The following ZNF148 variants were observed in gnomAD, a reference collection of about 807,000 sequenced individuals.
ZNF148 encodes the protein Beta-Enolase Repressor Factor-1.
Under a neutral mutation model 67.7 loss-of-function variants are expected in ZNF148, and 7 were observed. The observed-to-expected ratio is 0.10, with a 90% CI of 0.06 to 0.19. The LOEUF (loss-of-function observed/expected upper bound fraction) is 0.19, where lower values mean the gene tolerates loss of function less well. ZNF148 is among the 10% of genes least tolerant of loss of function. The pLI, the probability that ZNF148 is intolerant of heterozygous loss-of-function variation, is 1.00. For missense variants in ZNF148, 583 were observed against 947.1 expected, an observed-to-expected ratio of 0.62 and a Z score of 5.05; for synonymous variants, 333 against 330.7, an observed-to-expected ratio of 1.01 and a Z score of -0.08.
rs1935610524 is a variant in ZNF148 at position 125,225,816 on chromosome 3, T to C, written c.*6525A>G. 6.6e-6 allele frequency: 1 copy of C among 152,172 alleles called. No homozygotes were observed. The highest frequency in any genetic ancestry group is 2.4e-5 in the African/African-American group (1 of 41,446). 9.4% of individuals were successfully genotyped at this position (152,172 alleles called of 1,614,324 possible). A position where few individuals can be genotyped will look rare whatever the true frequency, so the allele number is the denominator to read the frequency against. ...AGGAAATGCATTAGTAGACTATCAG[T>C]GGTATTATTATGTACAATTGGTTAA... On this transcript the variant is annotated 3_prime_UTR_variant, in exon 9 of 9. Coordinates refer to ENST00000360647, the MANE Select transcript of ZNF148 (RefSeq NM_021964.3).
At chr3:125,368,604 C>T (rs545284364) in intron 1 of ZNF148, among the ~76,000 whole-genome samples, 2 of 152,334 alleles carry the variant, frequency 1.3e-5, no homozygotes, top group East Asian at 3.9e-4. Flanking sequence ...AAAGATCTGT[C>T]ATCAATAAGA....
intron 1 of ZNF148, chr3:125,344,388 G>T: frequency 1.6e-6 from 1 of 642,472 alleles, no homozygotes; most frequent in South Asian, 1.6e-5. Context: ...TGGAAAAAAT[G>T]ACTCTGTCCC....
At chr3:125,332,679 A>G (rs1387723136) in intron 1 of ZNF148, among the ~76,000 whole-genome samples, 1 of 152,156 alleles carries the variant, frequency 6.6e-6, no homozygotes, top group Non-Finnish European at 1.5e-5. Flanking sequence ...CAATCAAGCT[A>G]TTTCTGCTTG....
At position 125,331,849 on chromosome 3, in the gene ZNF148, T is replaced by C. The variant is rs184107494; in HGVS notation, c.-233-611A>G. Among the ~76,000 whole-genome samples the C allele has an allele frequency of 4.7e-4, 72 of 152,330 alleles. 2 individuals carry two copies. Among genetic ancestry groups the C allele is most frequent in the African/African-American group, 1.5e-3 (64 of 41,586 alleles). On this transcript the variant is annotated intron_variant, in intron 1 of 8. Transcript: ENST00000360647. The stretch of plus-strand genomic sequence containing the variant: ...ACATTCCACATTGGTACTGCATTGA[T>C]GCCGACCACAGATCACTTTATTCAT...
chr3:125,254,017 G>A (rs1936962681), intron 7 of ZNF148, among the ~76,000 whole-genome samples: 1 of 152,028 alleles, frequency 6.6e-6, no homozygotes, highest in African/African-American at 2.4e-5. Flanking sequence ...AAGAATTCCA[G>A]GGAAGCCACC....
intron 4 of ZNF148, among the ~76,000 whole-genome samples, chr3:125,306,967 C>T (rs1454526110): frequency 1.3e-5 from 2 of 151,006 alleles, no homozygotes; most frequent in Non-Finnish European, 3.0e-5. Flanking sequence ...ATCAATCTTA[C>T]ACAAACTCTT....
chr3:125,344,905 G>A (rs1941880629), intron 1 of ZNF148: 1 of 173,372 alleles, frequency 5.8e-6, no homozygotes, highest in African/African-American at 2.4e-5. Flanking sequence ...TCTCCTCTCA[G>A]CTAGCCTGAG....
chr3:125,309,024 G>C (rs1940051823), intron 4 of ZNF148, among the ~76,000 whole-genome samples: 1 of 152,086 alleles, frequency 6.6e-6, no homozygotes, highest in Non-Finnish European at 1.5e-5. Flanking sequence ...ATTTACATGA[G>C]GTTCTCATCA....
chr3:125,252,562 G>A (rs558758088), intron 7 of ZNF148, among the ~76,000 whole-genome samples: 13 of 152,200 alleles, frequency 8.5e-5, no homozygotes, highest in Admixed American at 2.0e-4. Flanking sequence ...GAGGTCAGGA[G>A]ATCGAGACCC....
chr3:125,374,756 C>G (rs1406375083), intron 1 of ZNF148, among the ~76,000 whole-genome samples: 1 of 152,130 alleles, frequency 6.6e-6, no homozygotes, highest in African/African-American at 2.4e-5. Context: ...CTAGCCTTTT[C>G]ACACCCACAC....
intron 1 of ZNF148, among the ~76,000 whole-genome samples, chr3:125,349,997 T>C (rs563570355): frequency 6.6e-6 from 1 of 152,284 alleles, no homozygotes; most frequent in African/African-American, 2.4e-5. Context: ...TTGGCAAGGA[T>C]GGAGAAATTG....
chr3:125,360,798 G>A (rs1942511247), intron 1 of ZNF148, among the ~76,000 whole-genome samples: 1 of 149,454 alleles, frequency 6.7e-6, no homozygotes, highest in African/African-American at 2.5e-5. Flanking sequence ...GGGCAACATA[G>A]GAAGACCACA....
rs1390271363 is a variant in ZNF148 at position 125,230,491 on chromosome 3, C to A, written c.*1850G>T. 1 of 152,388 alleles carries A rather than the reference C, an allele frequency of 6.6e-6. No homozygotes were observed. Among genetic ancestry groups the A allele is most frequent in the Non-Finnish European group, 1.5e-5 (1 of 67,968 alleles). The allele number at this position is 152,388 out of a possible 1,614,324, so 9.4% of individuals were successfully genotyped here. ...ACTATTTCAAGCAAAACTTAATAAC[C>A]AAAGTATACAGGAAACCACATTAAA... On this transcript the variant is annotated 3_prime_UTR_variant, in exon 9 of 9. Transcript: ENST00000360647.
At chr3:125,274,603 T>C (rs1054545664) in intron 7 of ZNF148, among the ~76,000 whole-genome samples, 5 of 152,242 alleles carry the variant, frequency 3.3e-5, no homozygotes, top group Non-Finnish European at 5.9e-5. Flanking sequence ...AACTATGTTC[T>C]TGGTTTTAAT....
chr3:125,244,101 C>T (rs1936488742), intron 7 of ZNF148, among the ~76,000 whole-genome samples: 1 of 152,138 alleles, frequency 6.6e-6, no homozygotes, highest in Non-Finnish European at 1.5e-5. Flanking sequence ...AAAAAACAAT[C>T]TCCAGGTGTC....
At chr3:125,335,973 T>C (rs1488192283) in intron 1 of ZNF148, among the ~76,000 whole-genome samples, 1 of 152,230 alleles carries the variant, frequency 6.6e-6, no homozygotes, top group East Asian at 1.9e-4. Context: ...ACAAAAATTC[T>C]GTCAAGAATA....
At chr3:125,333,421 G>A in intron 1 of ZNF148, among the ~76,000 whole-genome samples, 1 of 152,104 alleles carries the variant, frequency 6.6e-6, no homozygotes. Context: ...TTTCCCCCAA[G>A]TCACCTGTCA....
At chr3:125,303,127 A>T (rs1939684221) in intron 4 of ZNF148, among the ~76,000 whole-genome samples, 1 of 152,260 alleles carries the variant, frequency 6.6e-6, no homozygotes, top group South Asian at 2.1e-4. Flanking sequence ...CACATCCTGT[A>T]GGATTCCATT....
At position 125,233,865 on chromosome 3, in the gene ZNF148, T is replaced by C. The variant is rs1462432193; in HGVS notation, c.861A>G (p.Arg287=). 3 of 1,613,084 alleles carry C rather than the reference T, an allele frequency of 1.9e-6. No homozygotes were observed. Among genetic ancestry groups the C allele is most frequent in the African/African-American group, 2.7e-5 (2 of 74,866 alleles). The change falls in exon 9 of 9, where the codon AGA becomes AGG. Residue 287 remains arginine, a synonymous_variant. Coordinates refer to ENST00000360647, the MANE Select transcript of ZNF148 (RefSeq NM_021964.3). This position sits in a 1 kb window ranked among gnomAD's most constrained non-coding sequence, Gnocchi z 5.1. ...TCAGAAGGCCACCTTTGATGGCACA[T>C]CTATTTAGTTTTTTGTCATGATTTT... ...CHENHDKKLN[R]CAIKGGLLTS... is the part of the protein sequence containing the mutation.
Sources: allele counts gnomAD v4.1 joint callset (sites outside exome capture counted in the v4.1 genomes callset), GRCh38; gene constraint gnomAD v4.1.1; non-coding constraint Gnocchi (gnomAD v3.1); transcripts MANE v1.5; gene names NCBI Gene and HGNC (gene_info 2026-07-23, HGNC 2026-07-21).